Variants in SDK1 observed in about 807,000 individuals in gnomAD.
SDK1 encodes protein sidekick-1.
A neutral mutation model predicts 245.5 loss-of-function variants in SDK1; 157 were observed. The ratio of observed to expected loss-of-function variants is 0.64; its 90% CI spans 0.56 to 0.73. The LOEUF (loss-of-function observed/expected upper bound fraction) is 0.73, where lower values mean the gene tolerates loss of function less well. Among genes scored for constraint, SDK1 ranks in the 30% least tolerant of loss-of-function variants. SDK1 has a pLI of 0.00. For missense variants in SDK1, 3,583 were observed against 3,002.3 expected (o/e 1.19, Z -4.52); for synonymous variants, 1,647 against 1,278.5 (o/e 1.29, Z -6.15).
chr7:3,611,503 C>G (rs757219145), intron 1 of SDK1, among the ~76,000 whole-genome samples: 1 of 152,074 alleles, frequency 6.6e-6, no homozygotes, highest in African/African-American at 2.4e-5. Context: ...GGACTTTGTC[C>G]TAAAACAATC....
intron 1 of SDK1, among the ~76,000 whole-genome samples, chr7:3,566,415 C>T (rs193101438): frequency 4.0e-5 from 6 of 151,884 alleles, no homozygotes; most frequent in East Asian, 1.9e-4. Context: ...TCAGTAGAGA[C>T]GGGGTTTCAC....
chr7:3,541,056 C>G (rs944986763), intron 1 of SDK1, among the ~76,000 whole-genome samples: 3 of 152,164 alleles, frequency 2.0e-5, no homozygotes, highest in African/African-American at 7.2e-5. Flanking sequence ...CAAAGTGTCT[C>G]AAACATTTGA....
At chr7:3,990,033 A>G (rs1583750406) in intron 14 of SDK1, among the ~76,000 whole-genome samples, 2 of 152,228 alleles carry the variant, frequency 1.3e-5, no homozygotes, top group East Asian at 3.9e-4. Flanking sequence ...TCGGAAGCAG[A>G]GTGTGCTGTC....
intron 17 of SDK1, among the ~76,000 whole-genome samples, chr7:4,041,409 C>T (rs1788627888): frequency 6.6e-6 from 1 of 152,106 alleles, no homozygotes; most frequent in South Asian, 2.1e-4. Context: ...CATCCCCCAC[C>T]AGAGTGGTAC....
chr7:3,948,409 C>T (rs562072365), intron 5 of SDK1, among the ~76,000 whole-genome samples: 43 of 152,222 alleles, frequency 2.8e-4, no homozygotes, highest in African/African-American at 8.9e-4. Context: ...AAGCATGTGC[C>T]ACCACACCCA....
chr7:4,020,835 C>T (rs1269613052), intron 17 of SDK1, among the ~76,000 whole-genome samples: 1 of 152,178 alleles, frequency 6.6e-6, no homozygotes. Context: ...GAAACTGTGG[C>T]ATTTACACCT....
intron 4 of SDK1, among the ~76,000 whole-genome samples, chr7:3,673,826 A>T (rs1393311436): frequency 3.3e-5 from 5 of 152,232 alleles, no homozygotes; most frequent in Non-Finnish European, 5.9e-5. Flanking sequence ...TTGTTTGAGA[A>T]TTATATCATA....
chr7:4,130,197 A>G lies in SDK1; in HGVS notation c.4129+100A>G. On this transcript the variant is annotated intron_variant, in intron 27 of 44. Transcript: ENST00000404826. ...TGTTGTCGCTTTTAACTTAATTTTC[A>G]AACCACTTTCTTTTGCAGTTGAGGG... The G allele has an allele frequency of 2.3e-6, 3 of 1,311,486 alleles. No individual in the cohort carries two copies. The South Asian group carries it at 4.5e-5, about 20-fold the overall frequency. 81.2% of individuals were successfully genotyped at this position (1,311,486 alleles called of 1,614,324 possible).
chr7:4,176,692 C>T (rs138397171), intron 34 of SDK1, among the ~76,000 whole-genome samples: 1,741 of 152,268 alleles, frequency 0.011, 23 homozygotes, highest in African/African-American at 0.038. Context: ...TCTGTCTCGA[C>T]GGATTTGACG....
At chr7:3,480,484 C>T (rs766413313) in intron 1 of SDK1, among the ~76,000 whole-genome samples, 10 of 151,950 alleles carry the variant, frequency 6.6e-5, no homozygotes, top group African/African-American at 2.2e-4. Flanking sequence ...CGTGCACATA[C>T]GCTCATGTAG....
intron 4 of SDK1, among the ~76,000 whole-genome samples, chr7:3,771,353 A>C (rs1780402064): frequency 6.6e-6 from 1 of 152,158 alleles, no homozygotes; most frequent in Non-Finnish European, 1.5e-5. Context: ...CCCAGAGTCA[A>C]GAGGAGAGGA....
chr7:3,360,239 G>C (rs1780916367), intron 1 of SDK1, among the ~76,000 whole-genome samples: 1 of 152,194 alleles, frequency 6.6e-6, no homozygotes, highest in South Asian at 2.1e-4. Context: ...GATAGCCCCA[G>C]CCAAATACCT....
intron 1 of SDK1, among the ~76,000 whole-genome samples, chr7:3,515,814 A>G (rs1409228077): frequency 6.6e-6 from 1 of 152,192 alleles, no homozygotes; most frequent in Non-Finnish European, 1.5e-5. Context: ...AAAGACATAA[A>G]TCACCTTATT....
At chr7:3,960,890 C>T (rs192891038) in intron 8 of SDK1, among the ~76,000 whole-genome samples, 61 of 152,286 alleles carry the variant, frequency 4.0e-4, no homozygotes, top group African/African-American at 1.2e-3. Flanking sequence ...AAATATTTAG[C>T]GAGCTTATAT....
intron 1 of SDK1, among the ~76,000 whole-genome samples, chr7:3,489,431 T>C (rs549476817): frequency 6.6e-6 from 1 of 152,352 alleles, no homozygotes; most frequent in East Asian, 1.9e-4. Context: ...AAAATTCTAC[T>C]CCTGTTAGTA....
chr7:3,732,420 T>C (rs17133774), intron 4 of SDK1, among the ~76,000 whole-genome samples: 9,727 of 152,314 alleles, frequency 0.064, 370 homozygotes, highest in Middle Eastern at 0.13. Context: ...AGGAAGATTT[T>C]TTAAAAACTT....
chr7:4,229,785 A>T (rs1315655095), intron 40 of SDK1, among the ~76,000 whole-genome samples: 1 of 152,166 alleles, frequency 6.6e-6, no homozygotes, highest in African/African-American at 2.4e-5. Context: ...ACAACATAAA[A>T]TTGTCTATCT....
intron 4 of SDK1, among the ~76,000 whole-genome samples, chr7:3,769,334 G>C (rs1453182622): frequency 6.6e-6 from 1 of 152,142 alleles, no homozygotes; most frequent in African/African-American, 2.4e-5. Flanking sequence ...TCTCTTCAGA[G>C]TCCTGAGGTG....
At chr7:4,007,088 C>G (rs1785538540) in intron 14 of SDK1, among the ~76,000 whole-genome samples, 1 of 152,178 alleles carries the variant, frequency 6.6e-6, no homozygotes, top group Non-Finnish European at 1.5e-5. Context: ...ACTGTGATGT[C>G]TGAAGGAAGA....
Sources: allele counts gnomAD v4.1 joint callset (sites outside exome capture counted in the v4.1 genomes callset), GRCh38; gene constraint gnomAD v4.1.1; transcripts MANE v1.5; gene names NCBI Gene and HGNC (gene_info 2026-07-23, HGNC 2026-07-21).